RARA: variants seen among roughly 807,000 people sequenced by gnomAD.
RARA encodes retinoic acid receptor alpha, also known as PML-DDX5-RARA fusion.
A neutral mutation model predicts 42.8 loss-of-function variants in RARA; 5 were observed. The observed-to-expected ratio is 0.12, with a 90% confidence interval of 0.06 to 0.25. The LOEUF (loss-of-function observed/expected upper bound fraction) is 0.25. Ranked by LOEUF, RARA falls within the 10% of genes least tolerant of loss-of-function variation. RARA has a pLI of 1.00. For missense variants in RARA, 402 were observed against 628.7 expected (o/e 0.64, Z 3.86); for synonymous variants, 256 against 259.5 (o/e 0.99, Z 0.13).
In RARA at chr17:40,319,114, T is replaced by C. The variant is rs530054857; in HGVS notation, c.-363+9828T>C. On this transcript the variant is annotated intron_variant, in intron 1 of 8. Coordinates refer to ENST00000254066, the MANE Select transcript of RARA (RefSeq NM_000964.4). Reference sequence around the variant, plus strand: ...TGCTCTGCTGAGGGTGTCTGGGACCTGGTGCCACCCACGAGGCTTGGAAGC... The same window carrying C: ...TGCTCTGCTGAGGGTGTCTGGGACCCGGTGCCACCCACGAGGCTTGGAAGC... Among the ~76,000 whole-genome samples the C allele has an allele frequency of 2.0e-5, 3 of 152,328 alleles. No individual in the cohort carries two copies. The East Asian group carries it at 5.8e-4, about 29-fold the overall frequency.
chr17:40,344,153 C>T (rs2034171961), intron 2 of RARA, among the ~76,000 whole-genome samples: 1 of 151,852 alleles, frequency 6.6e-6, no homozygotes, highest in Non-Finnish European at 1.5e-5. Context: ...GGACTTACCC[C>T]ACCCCTCTTG....
intron 2 of RARA, chr17:40,341,428 C>T (rs1222734867): frequency 6.6e-6 from 10 of 1,526,608 alleles, no homozygotes; most frequent in South Asian, 1.2e-5. Context: ...GTGTCTCATT[C>T]CGACACAGCG....
intron 1 of RARA, among the ~76,000 whole-genome samples, chr17:40,319,151 T>C (rs548610644): frequency 3.9e-5 from 6 of 152,148 alleles, no homozygotes; most frequent in African/African-American, 1.4e-4. Context: ...GCTGGCCAGA[T>C]GTGTGTGTGA....
intron 2 of RARA, among the ~76,000 whole-genome samples, chr17:40,331,946 G>C (rs1327246646): frequency 6.6e-6 from 1 of 152,184 alleles, no homozygotes; most frequent in Non-Finnish European, 1.5e-5. Context: ...ATGAGAGGGA[G>C]GGGCCCACGG....
At chr17:40,324,848 C>T (rs1197325631) in intron 1 of RARA, among the ~76,000 whole-genome samples, 1 of 152,198 alleles carries the variant, frequency 6.6e-6, no homozygotes, top group Non-Finnish European at 1.5e-5. Flanking sequence ...CTAGCTCTAG[C>T]AAGGCTGGCC....
chr17:40,330,319 G>A (rs934870710), intron 1 of RARA, among the ~76,000 whole-genome samples: 2 of 152,136 alleles, frequency 1.3e-5, no homozygotes, highest in Admixed American at 6.5e-5. Flanking sequence ...TAGTGTGTAC[G>A]TAAATGGGCC....
chr17:40,317,378 G>A (rs1296100529), intron 1 of RARA, among the ~76,000 whole-genome samples: 3 of 152,202 alleles, frequency 2.0e-5, no homozygotes, highest in South Asian at 4.1e-4. Flanking sequence ...GCTGGGAGGG[G>A]GGTCATGACT....
At chr17:40,343,605 C>T (rs1277250163) in intron 2 of RARA, among the ~76,000 whole-genome samples, 1 of 152,136 alleles carries the variant, frequency 6.6e-6, no homozygotes, top group Non-Finnish European at 1.5e-5. Flanking sequence ...AATCCTAATC[C>T]GGTTTGTTCT....
In RARA at chr17:40,354,243, C is replaced by T. The variant is rs2143519619; in HGVS notation, c.808-59C>T. On this transcript the variant is annotated intron_variant, in intron 6 of 8. Transcript: ENST00000254066. This position sits in a 1 kb window ranked among gnomAD's most constrained non-coding sequence, Gnocchi z 4.5. Reference sequence around the variant, plus strand: ...GGAGTGCTGGTGCGGAGTGCTGGTGCCGAGTGCTCAGAGTGGGTTCGGGTT... The same window carrying T: ...GGAGTGCTGGTGCGGAGTGCTGGTGTCGAGTGCTCAGAGTGGGTTCGGGTT... 1.3e-6 allele frequency: 2 copies of T among 1,534,992 alleles called. No individual in the cohort carries two copies. The highest frequency in any genetic ancestry group is 1.1e-5 in the South Asian group (1 of 86,974).
chr17:40,333,479 C>A (rs1294442179), intron 2 of RARA, among the ~76,000 whole-genome samples: 1 of 151,730 alleles, frequency 6.6e-6, no homozygotes, highest in African/African-American at 2.4e-5. Flanking sequence ...ATTACAGGTG[C>A]GTGTCACCAC....
intron 2 of RARA, chr17:40,341,613 G>A: frequency 7.4e-7 from 1 of 1,354,484 alleles, no homozygotes; most frequent in East Asian, 3.1e-5. Context: ...GTCACGGGCA[G>A]CGGTGGGTGG....
In RARA at chr17:40,331,332, A is replaced by G. The variant is rs1232082912; in HGVS notation, c.114A>G (p.Pro38=). 6.2e-7 allele frequency: 1 copy of G among 1,613,998 alleles called. No homozygotes were observed. The highest frequency in any genetic ancestry group is 8.5e-7 in the Non-Finnish European group (1 of 1,179,966). The part of the protein sequence containing the change: ...FPPMLGGLSP[P]GALTTLQHQL... Reference sequence around the variant, plus strand: ...CTATGCTGGGTGGACTCTCCCCGCCAGGCGCTCTGACCACTCTCCAGCACC... The same window carrying G: ...CTATGCTGGGTGGACTCTCCCCGCCGGGCGCTCTGACCACTCTCCAGCACC... The change falls in exon 2 of 9, where the codon CCA becomes CCG. Residue 38 remains proline (P), a synonymous_variant. Coordinates refer to ENST00000254066, the MANE Select transcript of RARA (RefSeq NM_000964.4).
At chr17:40,336,799 G>A (rs1463215701) in intron 2 of RARA, among the ~76,000 whole-genome samples, 2 of 152,046 alleles carry the variant, frequency 1.3e-5, no homozygotes, top group African/African-American at 4.8e-5. Flanking sequence ...GGGCTCAAGC[G>A]ATTCTCCTGC....
intron 1 of RARA, among the ~76,000 whole-genome samples, chr17:40,316,806 G>A (rs2033222953): frequency 6.6e-6 from 1 of 151,584 alleles, no homozygotes; most frequent in Non-Finnish European, 1.5e-5. Context: ...AATCTGGACA[G>A]GACAGGGCGG....
At chr17:40,338,342 T>C (rs981445347) in intron 2 of RARA, among the ~76,000 whole-genome samples, 6 of 152,154 alleles carry the variant, frequency 3.9e-5, no homozygotes, top group Non-Finnish European at 8.8e-5. Context: ...GGATTGGGCC[T>C]CCCAGGGTTG....
chr17:40,312,526 G>A (rs1365078779), intron 1 of RARA, among the ~76,000 whole-genome samples: 2 of 152,250 alleles, frequency 1.3e-5, no homozygotes, highest in African/African-American at 2.4e-5. Context: ...CAGGAGGGAC[G>A]TGCAGAAAAG....
At chr17:40,343,119 A>T in intron 2 of RARA, 1 of 573,560 alleles carries the variant, frequency 1.7e-6, no homozygotes, top group Non-Finnish European at 2.6e-6. Context: ...ACATTCCTTC[A>T]TCTCTTGTTT....
intron 1 of RARA, among the ~76,000 whole-genome samples, chr17:40,330,267 T>A (rs1312600670): frequency 6.6e-6 from 1 of 152,148 alleles, no homozygotes; most frequent in Non-Finnish European, 1.5e-5. Context: ...CTGTTAAGCA[T>A]TGGAGGTGAT....
At chr17:40,310,475 G>A (rs1360770412) in intron 1 of RARA, among the ~76,000 whole-genome samples, 1 of 152,158 alleles carries the variant, frequency 6.6e-6, no homozygotes, top group African/African-American at 2.4e-5. Context: ...TGGGTGGCAT[G>A]TCCCCATCTG....
Sources: gnomAD v4.1 joint callset for allele counts (sites outside exome capture counted in the v4.1 genomes callset) on GRCh38, gnomAD v4.1.1 for gene constraint, Gnocchi (gnomAD v3.1) non-coding constraint, MANE v1.5 for transcripts, NCBI Gene and HGNC (gene_info 2026-07-23, HGNC 2026-07-21) for gene names.